ADGRV1: variants seen among roughly 807,000 people sequenced by gnomAD.
ADGRV1 encodes adhesion G protein-coupled receptor V1, also known as G-protein coupled receptor 98.
Under a neutral mutation model 596.2 loss-of-function variants are expected in ADGRV1, and 359 were observed. The observed-to-expected ratio is 0.60, with a 90% CI of 0.55 to 0.66. The LOEUF is 0.66. Ranked by LOEUF, ADGRV1 falls within the 30% of genes least tolerant of loss-of-function variation. The pLI is 0.00. For missense variants in ADGRV1, 7,274 were observed against 7,575.6 expected, an observed-to-expected ratio of 0.96 and a Z score of 1.48; for synonymous variants, 2,681 against 2,679.2, an observed-to-expected ratio of 1.00 and a Z score of -0.02.
chr5:91,148,112 A>G (rs1795710573), intron 87 of ADGRV1, among the ~76,000 whole-genome samples: 1 of 152,242 alleles, frequency 6.6e-6, no homozygotes, highest in South Asian at 2.1e-4. Context: ...GCAGCAAAGC[A>G]TTCAAGAGGT....
At chr5:90,672,450 A>G (rs1045638672) in intron 21 of ADGRV1, 96 bp from the exon 22 acceptor site, 2 of 976,616 alleles carry the variant, frequency 2.0e-6, no homozygotes, top group East Asian at 2.6e-5. Context: ...AAGTTGTAGA[A>G]TTAAGTTTAT....
At chr5:90,636,133 A>G (rs1279437978) in intron 10 of ADGRV1, among the ~76,000 whole-genome samples, 3 of 152,072 alleles carry the variant, frequency 2.0e-5, no homozygotes, top group Non-Finnish European at 4.4e-5. Flanking sequence ...AAACGTTCAC[A>G]TGCACAGCAC....
At chr5:90,845,425 T>C (rs1370492937) in intron 78 of ADGRV1, among the ~76,000 whole-genome samples, 1 of 152,188 alleles carries the variant, frequency 6.6e-6, no homozygotes, top group Admixed American at 6.5e-5. Context: ...TGTTTTTTTT[T>C]AATATGAATG....
intron 1 of ADGRV1, among the ~76,000 whole-genome samples, chr5:90,588,413 G>A (rs970980197): frequency 1.3e-5 from 2 of 152,220 alleles, no homozygotes; most frequent in African/African-American, 4.8e-5. Flanking sequence ...AATGAGTTTG[G>A]AATTTAGGGG....
chr5:90,791,224 G>C lies in ADGRV1; in HGVS notation c.14395G>C (p.Val4799Leu). ...RLAGTFGDVAVGLRISSDHKE... is the reference protein window; with the variant it reads ...RLAGTFGDVALGLRISSDHKE... ...TGCTGGAACATTTGGAGATGTGGCT[G>C]TTGGGCTTCGAATATCATCGGATCA... Residue 4799 changes from valine (V) to leucine (L), a missense_variant, in exon 70 of 90, where the codon GTT (valine) becomes CTT (leucine). Around this residue, in one of 5 missense-constraint regions of ADGRV1, gnomAD observed 1,874 missense variants for 1,970.2 expected, o/e 0.95. Coordinates refer to ENST00000405460, the MANE Select transcript of ADGRV1 (RefSeq NM_032119.4). 1 of 1,613,664 alleles carries C rather than the reference G, an allele frequency of 6.2e-7. No homozygotes were observed. The highest frequency in any genetic ancestry group is 1.1e-5 in the South Asian group (1 of 91,016).
intron 83 of ADGRV1, among the ~76,000 whole-genome samples, chr5:90,935,649 G>T (rs1775616774): frequency 1.3e-5 from 2 of 152,098 alleles, no homozygotes; most frequent in South Asian, 4.1e-4. Context: ...TTAAGTCTGT[G>T]GGCCCCACAA....
chr5:90,716,097 T>C lies in ADGRV1; in HGVS notation c.9185-370T>C, dbSNP rs1750075560. On this transcript the variant is annotated intron_variant, in intron 42 of 89. Coordinates refer to ENST00000405460, the MANE Select transcript of ADGRV1 (RefSeq NM_032119.4). ...CTTTCCACTACTTTTACAGGTGTTA[T>C]CTGGCTGATAGCCCTGGGACACTGT... Among the ~76,000 whole-genome samples, 4 of 152,340 alleles carry C rather than the reference T, an allele frequency of 2.6e-5. No homozygotes were observed. The South Asian group carries it at 8.3e-4, about 32-fold the overall frequency.
At chr5:90,803,895 A>G (rs146132346) in intron 71 of ADGRV1, among the ~76,000 whole-genome samples, 2 of 152,108 alleles carry the variant, frequency 1.3e-5, no homozygotes, top group African/African-American at 4.8e-5. Flanking sequence ...ATCCATGCAC[A>G]TTGTCACAAT....
At chr5:90,696,757 T>C (rs1747238985) in intron 33 of ADGRV1, among the ~76,000 whole-genome samples, 180 bp from the exon 34 acceptor site, 1 of 151,204 alleles carries the variant, frequency 6.6e-6, no homozygotes, top group South Asian at 2.1e-4. Flanking sequence ...GTGTTTGATA[T>C]GTGAAAAGAT....
At chr5:91,085,263 T>G (rs1028304746) in intron 86 of ADGRV1, among the ~76,000 whole-genome samples, 1 of 152,112 alleles carries the variant, frequency 6.6e-6, no homozygotes, top group African/African-American at 2.4e-5. Context: ...CACATATATA[T>G]AGAAAAAAGG....
intron 85 of ADGRV1, among the ~76,000 whole-genome samples, chr5:91,012,417 C>A (rs1490166622): frequency 1.3e-5 from 2 of 151,884 alleles, no homozygotes; most frequent in Admixed American, 1.3e-4. Context: ...ATTCTTTAGA[C>A]CTTTAAATTA....
In ADGRV1 at chr5:90,694,070, C is replaced by T. The variant is rs1472658955; in HGVS notation, c.7314C>T (p.Thr2438=). 1.9e-6 allele frequency: 3 copies of T among 1,613,698 alleles called. No homozygotes were observed. The highest frequency in any genetic ancestry group is 2.7e-5 in the African/African-American group (2 of 74,908). ...CTGCCGTGGGGGAGCCCCTGTATAC[C>T]TGTGCCACTTTGTGCCTTAAGGAAC... is the stretch of plus-strand genomic sequence containing the variant. The part of the protein sequence containing the change: ...NVSAVGEPLY[T]CATLCLKEQA... Residue 2438 remains threonine (T), a synonymous_variant, in exon 33 of 90, where the codon ACC becomes ACT. Coordinates refer to ENST00000405460, the MANE Select transcript of ADGRV1 (RefSeq NM_032119.4).
intron 16 of ADGRV1, among the ~76,000 whole-genome samples, chr5:90,646,362 A>G (rs1767758072): frequency 6.6e-6 from 1 of 151,446 alleles, no homozygotes; most frequent in South Asian, 2.1e-4. Flanking sequence ...GAAAATAAGT[A>G]CTGTTTTATT....
At chr5:91,020,639 T>G (rs1581808719) in intron 85 of ADGRV1, among the ~76,000 whole-genome samples, 3 of 152,042 alleles carry the variant, frequency 2.0e-5, no homozygotes, top group Non-Finnish European at 4.4e-5. Context: ...GAGCTAAGCA[T>G]GTGTGAAAGA....
At chr5:91,079,005 A>G (rs1221178422) in intron 86 of ADGRV1, among the ~76,000 whole-genome samples, 2 of 152,160 alleles carry the variant, frequency 1.3e-5, no homozygotes, top group African/African-American at 4.8e-5. Context: ...ATTTATAAAT[A>G]AAAATGGGAA....
At chr5:91,124,542 G>A (rs1793588335) in intron 87 of ADGRV1, among the ~76,000 whole-genome samples, 1 of 152,144 alleles carries the variant, frequency 6.6e-6, no homozygotes, top group East Asian at 1.9e-4. Context: ...AACAAAAATA[G>A]TTTATCTGGA....
intron 86 of ADGRV1, among the ~76,000 whole-genome samples, chr5:91,081,663 G>A (rs1007964997): frequency 1.3e-5 from 2 of 152,126 alleles, no homozygotes; most frequent in Admixed American, 1.3e-4. Flanking sequence ...GCAGACGCCT[G>A]TAATCCCAGC....
chr5:90,986,831 G>A (rs910415848), intron 85 of ADGRV1, among the ~76,000 whole-genome samples: 4 of 151,988 alleles, frequency 2.6e-5, no homozygotes, highest in African/African-American at 9.7e-5. Context: ...AAAATTCTAC[G>A]TCATTCTTTG....
rs761238357 is a variant in ADGRV1, at chr5:90,757,010, T to A, written c.11789T>A (p.Val3930Glu). Reference sequence around the variant, plus strand: ...GGGGAAGTTATTACTGCCTATGAGGTGCCTCCACCCTTGAACGTTCTTCAA... The same window carrying A: ...GGGGAAGTTATTACTGCCTATGAGGAGCCTCCACCCTTGAACGTTCTTCAA... The part of the protein sequence containing the change: ...GAGEVITAYE[V>E]PPPLNVLQVP... The change falls in exon 57 of 90, where the codon GTG becomes GAG. Residue 3930 changes from valine to glutamate, a missense_variant. Physicochemically the swap from Val to Glu is moderately radical, Grantham distance 121. This residue lies in a region of ADGRV1 where 3,643 missense variants were observed against 3,809.2 expected (regional missense o/e 0.96). Transcript: ENST00000405460. The A allele has an allele frequency of 6.2e-7, 1 of 1,612,426 alleles. No homozygotes were observed. The highest frequency in any genetic ancestry group is 8.5e-7 in the Non-Finnish European group (1 of 1,179,094).
Sources: gnomAD v4.1 joint callset for allele counts (sites outside exome capture counted in the v4.1 genomes callset) on GRCh38, gnomAD v4.1.1 for gene constraint, gnomAD v4.1.1 regional missense constraint, MANE v1.5 for transcripts, NCBI Gene and HGNC (gene_info 2026-07-23, HGNC 2026-07-21) for gene names.